EXT1: variants seen among roughly 807,000 people sequenced by gnomAD.
EXT1 encodes the protein exostosin glycosyltransferase 1, also known as exostosin-1.
A neutral mutation model predicts 82.5 loss-of-function variants in EXT1; 20 were observed. The ratio of observed to expected loss-of-function variants is 0.24; its 90% CI spans 0.17 to 0.35. EXT1 has a LOEUF of 0.35. Among genes scored for constraint, EXT1 ranks in the 10% least tolerant of loss-of-function variants. EXT1 has a pLI of 1.00. For missense variants in EXT1, 757 were observed against 936.5 expected (o/e 0.81, Z 2.50); for synonymous variants, 348 against 350.8 (o/e 0.99, Z 0.09).
At position 117,926,780 on chromosome 8, in the gene EXT1, T is replaced by C. The variant is rs546668886; in HGVS notation, c.963-89579A>G. 3.6e-4 allele frequency among the ~76,000 whole-genome samples: 55 copies of C among 152,334 alleles called. No homozygotes were observed. In the East Asian group the frequency reaches 8.3e-3, roughly 23 times the overall value. ...ACGCTTATATAAAAGGCTTTGCCTA[T>C]AAACATGTTTATTTACCTTCTATTT... On this transcript the variant is annotated intron_variant, in intron 1 of 10. Coordinates refer to ENST00000378204, the MANE Select transcript of EXT1 (RefSeq NM_000127.3).
chr8:118,075,076 AT>A (rs1371108453), intron 1 of EXT1, among the ~76,000 whole-genome samples: 1 of 152,120 alleles, frequency 6.6e-6, no homozygotes, highest in African/African-American at 2.4e-5. Flanking sequence ...TCCTCCTACA[AT>A]TTTTTGTCTC....
intron 1 of EXT1, among the ~76,000 whole-genome samples, chr8:117,987,745 G>C (rs570407166): frequency 2.0e-5 from 3 of 152,298 alleles, no homozygotes; most frequent in African/African-American, 7.2e-5. Flanking sequence ...CCACATAAGG[G>C]AGGCTGGGAG....
intron 1 of EXT1, among the ~76,000 whole-genome samples, chr8:118,049,719 C>T (rs1032223980): frequency 3.3e-5 from 5 of 152,204 alleles, no homozygotes; most frequent in South Asian, 4.1e-4. Flanking sequence ...TTCATCTTCA[C>T]GCAGGGAAGC....
Position 118,110,160 on chromosome 8 carries a change from G to T in EXT1, c.887C>A (p.Thr296Asn), listed in dbSNP as rs1318697804. The stretch of plus-strand genomic sequence containing the variant: ...CCAGTCTTTGCCATGCTTGCAGGTG[G>T]TGAGGAGCACAACGTCCTCCCCGTT... ...VHNGEDVVLL[T>N]TCKHGKDWQK... is the part of the protein sequence containing the mutation. Residue 296 changes from threonine to asparagine, a missense_variant, in exon 1 of 11, where the codon ACC becomes AAC. By Grantham distance (65) the Thr-to-Asn change is moderately conservative. This residue lies in a region of EXT1 where 247 missense variants were observed against 330.1 expected (regional missense o/e 0.75). Transcript: ENST00000378204. The T allele has an allele frequency of 6.2e-7, 1 of 1,614,198 alleles. No individual in the cohort carries two copies. Among genetic ancestry groups the T allele is most frequent in the South Asian group, 1.1e-5 (1 of 91,084 alleles).
At chr8:117,903,469 T>C (rs972464506) in intron 1 of EXT1, among the ~76,000 whole-genome samples, 5 of 152,222 alleles carry the variant, frequency 3.3e-5, no homozygotes, top group African/African-American at 1.2e-4. Flanking sequence ...TAGAACATTG[T>C]ATAAGTTTCC....
intron 4 of EXT1, among the ~76,000 whole-genome samples, chr8:117,827,147 A>G (rs1812020413): frequency 6.6e-6 from 1 of 152,326 alleles, no homozygotes; most frequent in Admixed American, 6.5e-5. Flanking sequence ...CTAGGTGGAT[A>G]TAATGTTTTT....
intron 1 of EXT1, among the ~76,000 whole-genome samples, chr8:117,914,741 T>C (rs1001881607): frequency 1.3e-5 from 2 of 152,092 alleles, no homozygotes; most frequent in African/African-American, 4.8e-5. Flanking sequence ...CCTGATAAAT[T>C]TGTGGTCAGA....
chr8:117,949,034 G>T (rs1814440103), intron 1 of EXT1, among the ~76,000 whole-genome samples: 1 of 152,198 alleles, frequency 6.6e-6, no homozygotes, highest in South Asian at 2.1e-4. Flanking sequence ...TGGAAGGGCA[G>T]ATAGGCCTGA....
chr8:118,083,555 G>A lies in EXT1; in HGVS notation c.962+26530C>T, dbSNP rs567348516. Among the ~76,000 whole-genome samples the A allele has an allele frequency of 1.7e-3, 264 of 152,154 alleles. 1 individual carries two copies. Among genetic ancestry groups the A allele is most frequent in the African/African-American group, 6.1e-3 (255 of 41,518 alleles). On this transcript the variant is annotated intron_variant, in intron 1 of 10. Transcript: ENST00000378204. ...GACAGGTTCTCTGCCTATGCCCTAGGTGACACCTCAACACCTCTCTTCCTA... is the reference window on the plus strand; with the variant it reads ...GACAGGTTCTCTGCCTATGCCCTAGATGACACCTCAACACCTCTCTTCCTA...
chr8:117,835,297 T>C, intron 3 of EXT1, 147 bp downstream of exon 3: 1 of 686,334 alleles, frequency 1.5e-6, no homozygotes. Context: ...TCATATTAAA[T>C]GACTTCATAT....
At position 117,797,042 on chromosome 8, in the gene EXT1, CAT is replaced by C. The variant is rs899601536; in HGVS notation, c.*2668_*2669del. 3.3e-4 allele frequency: 50 copies of C among 152,338 alleles called. No individual in the cohort carries two copies. The highest frequency in any genetic ancestry group is 1.1e-3 in the African/African-American group (47 of 41,562). 9.4% of individuals were successfully genotyped at this position (152,338 alleles called of 1,614,324 possible). A position where few individuals can be genotyped will look rare whatever the true frequency, so the allele number is the denominator to read the frequency against. ...CCCTTGGCTTCTCTCCAATGCAGCACATGTTAGCCCACTTAGGGACCCCTAGT... is the reference window on the plus strand; with the variant it reads ...CCCTTGGCTTCTCTCCAATGCAGCACGTTAGCCCACTTAGGGACCCCTAGT... On this transcript the variant is annotated 3_prime_UTR_variant, in exon 11 of 11. Coordinates refer to ENST00000378204, the MANE Select transcript of EXT1 (RefSeq NM_000127.3).
chr8:117,872,392 T>A (rs931703834), intron 1 of EXT1, among the ~76,000 whole-genome samples: 2 of 151,704 alleles, frequency 1.3e-5, no homozygotes, highest in Non-Finnish European at 2.9e-5. Context: ...ACTGAACTTG[T>A]GGATTAAAAA....
intron 1 of EXT1, among the ~76,000 whole-genome samples, chr8:118,074,568 A>AAG (rs201272325): frequency 1.3e-4 from 15 of 119,126 alleles, no homozygotes; most frequent in African/African-American, 6.1e-4. Flanking sequence ...AGAGAGAGAG[A>AAG]AGAGAGAAAA....
chr8:117,972,190 A>C (rs2008799), intron 1 of EXT1, among the ~76,000 whole-genome samples: 112,590 of 150,556 alleles, frequency 0.75, 43,467 homozygotes, highest in African/African-American at 0.94. Flanking sequence ...GAAAAATGAA[A>C]AACAGAAAAA....
intron 1 of EXT1, among the ~76,000 whole-genome samples, chr8:117,855,931 A>G (rs192517340): frequency 4.9e-4 from 75 of 152,286 alleles, no homozygotes; most frequent in African/African-American, 1.7e-3. Flanking sequence ...CGGCCTCCCA[A>G]AGTGCTGGGA....
At chr8:117,866,181 C>T (rs954974364) in intron 1 of EXT1, among the ~76,000 whole-genome samples, 2 of 152,104 alleles carry the variant, frequency 1.3e-5, no homozygotes, top group South Asian at 2.1e-4. Flanking sequence ...GCTGAGATTG[C>T]GGCACTGCAC....
chr8:117,818,551 T>C (rs1167418745), intron 6 of EXT1, 21 bp from the exon 7 acceptor site: 2 of 1,587,804 alleles, frequency 1.3e-6, no homozygotes, highest in South Asian at 1.1e-5. Context: ...TGGGGCTCAT[T>C]AGATGGCTGG....
chr8:118,106,627 A>G (rs1202817315), intron 1 of EXT1, among the ~76,000 whole-genome samples: 1 of 152,246 alleles, frequency 6.6e-6, no homozygotes, highest in African/African-American at 2.4e-5. Context: ...CAAAGATAGA[A>G]GCCACCTCTC....
At chr8:117,984,239 CAAAACCCTGTCTTTACTA>C (rs376360571) in intron 1 of EXT1, among the ~76,000 whole-genome samples, 343 of 152,168 alleles carry the variant, frequency 2.3e-3, no homozygotes, top group African/African-American at 8.0e-3. Context: ...GCGAATATGG[CAAAACCCTGTCTTTACTA>C]AAAATACAAA....
Sources: allele counts gnomAD v4.1 joint callset (sites outside exome capture counted in the v4.1 genomes callset), GRCh38; gene constraint gnomAD v4.1.1; regional missense constraint gnomAD v4.1.1; transcripts MANE v1.5; gene names NCBI Gene and HGNC (gene_info 2026-07-23, HGNC 2026-07-21).